Variants in RAP1GAP2 observed in about 807,000 individuals in gnomAD.
RAP1GAP2 encodes rap1 GTPase-activating protein 2.
A neutral mutation model predicts 95.0 loss-of-function variants in RAP1GAP2; 27 were observed. That is an observed-to-expected ratio of 0.28 (90% confidence interval 0.21 to 0.39). RAP1GAP2 has a LOEUF of 0.39. RAP1GAP2 is among the 10% of genes least tolerant of loss of function. The probability of loss-of-function intolerance (pLI) is 1.00; values close to 1 mark genes in which losing one functional copy is unlikely to be tolerated. For synonymous variants in RAP1GAP2, 373 were observed against 380.9 expected, an observed-to-expected ratio of 0.98 and a Z score of 0.24; for missense variants, 771 against 970.0, an observed-to-expected ratio of 0.79 and a Z score of 2.72.
intron 23 of RAP1GAP2, among the ~76,000 whole-genome samples, chr17:3,031,519 T>C (rs2047298605): frequency 6.8e-6 from 1 of 147,448 alleles, no homozygotes; most frequent in Non-Finnish European, 1.5e-5. Flanking sequence ...CTTTCTGAGC[T>C]CGCCAGACTA....
intron 2 of RAP1GAP2, among the ~76,000 whole-genome samples, chr17:2,814,016 T>C (rs1009297343): frequency 1.3e-5 from 2 of 152,134 alleles, no homozygotes; most frequent in Non-Finnish European, 2.9e-5. Context: ...CGTTGCTCTA[T>C]TTCTGGGGCA....
chr17:2,884,356 T>A (rs1326354373), intron 2 of RAP1GAP2, among the ~76,000 whole-genome samples: 2 of 149,342 alleles, frequency 1.3e-5, no homozygotes, highest in African/African-American at 4.9e-5. Flanking sequence ...GCTCTTGGAG[T>A]CAGAGTTCTT....
At chr17:2,762,528 G>A (rs1403870002) in intron 1 of RAP1GAP2, among the ~76,000 whole-genome samples, 6 of 151,016 alleles carry the variant, frequency 4.0e-5, no homozygotes, top group Non-Finnish European at 8.8e-5. Flanking sequence ...CTCCTGAATA[G>A]CTGGGATTAG....
intron 8 of RAP1GAP2, among the ~76,000 whole-genome samples, chr17:2,970,303 T>C: frequency 6.9e-6 from 1 of 144,342 alleles, no homozygotes; most frequent in East Asian, 2.1e-4. Flanking sequence ...AAAATAATAA[T>C]AATACGTCCC....
intron 2 of RAP1GAP2, among the ~76,000 whole-genome samples, chr17:2,834,686 A>C (rs550814399): frequency 1.3e-5 from 2 of 152,076 alleles, no homozygotes; most frequent in South Asian, 4.1e-4. Flanking sequence ...AGTCTCAGCT[A>C]CTCAGGAGGC....
At chr17:2,945,020 C>G (rs1402620247) in intron 3 of RAP1GAP2, among the ~76,000 whole-genome samples, 2 of 152,028 alleles carry the variant, frequency 1.3e-5, no homozygotes, top group East Asian at 3.9e-4. Context: ...ATTACAGGCG[C>G]CCGCCACCAC....
In RAP1GAP2 at chr17:2,938,000, A is replaced by G. The variant is rs181147369; in HGVS notation, c.166-19759A>G. ...AGCACAGGATAGGGCTGTGCTGGAGAGAGGAGACGGGCTTTGTGCCTGGTG... is the reference window on the plus strand; with the variant it reads ...AGCACAGGATAGGGCTGTGCTGGAGGGAGGAGACGGGCTTTGTGCCTGGTG... On this transcript the variant is annotated intron_variant, in intron 3 of 24. Coordinates refer to ENST00000254695, the MANE Select transcript of RAP1GAP2 (RefSeq NM_015085.5). Among the ~76,000 whole-genome samples the G allele has an allele frequency of 5.2e-3, 791 of 152,194 alleles. 6 individuals carry two copies. Among genetic ancestry groups the G allele is most frequent in the Non-Finnish European group, 7.4e-3 (506 of 68,004 alleles).
chr17:2,881,154 G>C (rs1184276540), intron 2 of RAP1GAP2, among the ~76,000 whole-genome samples: 1 of 152,046 alleles, frequency 6.6e-6, no homozygotes, highest in Non-Finnish European at 1.5e-5. Flanking sequence ...CCAGCTACTC[G>C]GGAGGCTGAG....
intron 2 of RAP1GAP2, among the ~76,000 whole-genome samples, chr17:2,895,050 C>CTG (rs952745569): frequency 2.6e-5 from 4 of 152,178 alleles, no homozygotes; most frequent in African/African-American, 9.7e-5. Flanking sequence ...ACTGTTTGTA[C>CTG]TGTGTGTGTG....
rs9894287 is a variant in RAP1GAP2, at chr17:2,871,738, C to T, written c.81-33546C>T. ...TGTCTCCATTATCCATGCTATCCTC[C>T]TTGACCCAGTGAGCCACCTCTGGGG... On this transcript the variant is annotated intron_variant, in intron 2 of 24. Coordinates refer to ENST00000254695, the MANE Select transcript of RAP1GAP2 (RefSeq NM_015085.5). This position sits in a 1 kb window ranked among gnomAD's most constrained non-coding sequence, Gnocchi z 5.0. Among the ~76,000 whole-genome samples, 2,564 of 152,310 alleles carry T rather than the reference C, an allele frequency of 0.017. 77 individuals are homozygous for T. Among genetic ancestry groups the T allele is most frequent in the African/African-American group, 0.057 (2,384 of 41,556 alleles).
chr17:2,880,611 T>C (rs2073248757), intron 2 of RAP1GAP2, among the ~76,000 whole-genome samples: 1 of 151,856 alleles, frequency 6.6e-6, no homozygotes, highest in Admixed American at 6.6e-5. Flanking sequence ...AGATGGAAAC[T>C]GTATCCATTA....
chr17:2,906,213 G>A lies in RAP1GAP2; in HGVS notation c.165+845G>A, dbSNP rs1385771693. The stretch of plus-strand genomic sequence containing the variant: ...CTAGGCCAGCTCCTCTCTGTCCTGG[G>A]GCTGTGCTCTGAGTGGCTCACAGGG... On this transcript the variant is annotated intron_variant, in intron 3 of 24. Transcript: ENST00000254695. The surrounding 1 kb of genome is among the most constrained non-coding windows in gnomAD (Gnocchi z 4.3). Among the ~76,000 whole-genome samples the A allele has an allele frequency of 6.6e-6, 1 of 152,132 alleles. No individual in the cohort carries two copies. The highest frequency in any genetic ancestry group is 1.5e-5 in the Non-Finnish European group (1 of 68,018).
At chr17:2,802,172 G>GT (rs1597336314) in intron 2 of RAP1GAP2, among the ~76,000 whole-genome samples, 1 of 152,138 alleles carries the variant, frequency 6.6e-6, no homozygotes, top group African/African-American at 2.4e-5. Flanking sequence ...TCGGCAGAAG[G>GT]TTTTCCCTGC....
intron 1 of RAP1GAP2, among the ~76,000 whole-genome samples, chr17:2,761,868 T>C (rs1283347867): frequency 6.6e-6 from 1 of 152,138 alleles, no homozygotes; most frequent in Admixed American, 6.6e-5. Context: ...TCTTTGCTTA[T>C]AGCCATCCTA....
chr17:2,888,068 A>G (rs754209073), intron 2 of RAP1GAP2, among the ~76,000 whole-genome samples: 4 of 152,188 alleles, frequency 2.6e-5, no homozygotes, highest in Non-Finnish European at 5.9e-5. Flanking sequence ...GTAACAGACC[A>G]AATAGGTGGG....
chr17:3,021,332 C>T (rs1356339978), intron 19 of RAP1GAP2, among the ~76,000 whole-genome samples: 1 of 152,076 alleles, frequency 6.6e-6, no homozygotes, highest in South Asian at 2.1e-4. Context: ...TGCCCTCCCC[C>T]GCCCCTTCCC....
intron 2 of RAP1GAP2, among the ~76,000 whole-genome samples, chr17:2,880,042 A>G (rs2073230812): frequency 6.6e-6 from 1 of 152,182 alleles, no homozygotes; most frequent in South Asian, 2.1e-4. Context: ...GACAGGCATC[A>G]GACTGATCGT....
intron 3 of RAP1GAP2, among the ~76,000 whole-genome samples, chr17:2,940,683 C>T (rs192234520): frequency 3.3e-4 from 50 of 152,326 alleles, no homozygotes; most frequent in East Asian, 2.3e-3. Flanking sequence ...GCTCTGCAGA[C>T]GCCCCTTCCA....
intron 2 of RAP1GAP2, among the ~76,000 whole-genome samples, chr17:2,815,470 A>ATTG (rs2069969689): frequency 6.9e-6 from 1 of 145,176 alleles, no homozygotes; most frequent in African/African-American, 2.6e-5. Context: ...TATTATTATT[A>ATTG]TTATTATTAT....
Sources: allele counts gnomAD v4.1 joint callset (sites outside exome capture counted in the v4.1 genomes callset), GRCh38; gene constraint gnomAD v4.1.1; non-coding constraint Gnocchi (gnomAD v3.1); transcripts MANE v1.5; gene names NCBI Gene and HGNC (gene_info 2026-07-23, HGNC 2026-07-21).